Variants in RASA2 observed in about 807,000 individuals in gnomAD.
RASA2 encodes RAS p21 protein activator 2.
Under a neutral mutation model 118.2 loss-of-function variants are expected in RASA2, and 155 were observed. The observed-to-expected ratio is 1.31, with a 90% CI of 1.15 to 1.50. The LOEUF (loss-of-function observed/expected upper bound fraction) is 1.50, where lower values mean the gene tolerates loss of function less well. RASA2 is among the 40% of genes most tolerant of loss of function. The pLI is 0.00. For synonymous variants in RASA2, 353 were observed against 349.1 expected, an observed-to-expected ratio of 1.01 and a Z score of -0.12; for missense variants, 1,016 against 1,009.6, an observed-to-expected ratio of 1.01 and a Z score of -0.09.
intron 22 of RASA2, 96 bp from the exon 23 acceptor site, chr3:141,609,781 C>A: frequency 1.7e-6 from 2 of 1,157,056 alleles, no homozygotes; most frequent in Non-Finnish European, 2.4e-6. Context: ...GAAATCCCCT[C>A]AGCATAAGAC....
chr3:141,525,535 G>A (rs2082173094), intron 3 of RASA2, among the ~76,000 whole-genome samples: 1 of 152,088 alleles, frequency 6.6e-6, no homozygotes, highest in Non-Finnish European at 1.5e-5. Context: ...ACTGGCCACA[G>A]TGGCTCATGT....
chr3:141,588,410 AGAGTACCT>A (rs2083239286), intron 19 of RASA2, among the ~76,000 whole-genome samples: 1 of 152,236 alleles, frequency 6.6e-6, no homozygotes, highest in Non-Finnish European at 1.5e-5. Flanking sequence ...CAGGCTTAAC[AGAGTACCT>A]GAGCAACCAC....
At chr3:141,549,273 T>C (rs1442277721) in intron 5 of RASA2, among the ~76,000 whole-genome samples, 1 of 152,190 alleles carries the variant, frequency 6.6e-6, no homozygotes, top group Non-Finnish European at 1.5e-5. Context: ...TTCTTTTTCT[T>C]GTTTTGTCAG....
At chr3:141,558,021 T>G (rs1253053592) in intron 7 of RASA2, among the ~76,000 whole-genome samples, 2 of 152,154 alleles carry the variant, frequency 1.3e-5, no homozygotes, top group Non-Finnish European at 2.9e-5. Context: ...AAGGTTTGTT[T>G]ATATAAACAG....
At chr3:141,590,082 A>G (rs779202947) in intron 19 of RASA2, 17 of 454,406 alleles carry the variant, frequency 3.7e-5, no homozygotes, top group South Asian at 2.5e-4. Flanking sequence ...AACTATTTTG[A>G]TGGATTTTTC....
intron 19 of RASA2, among the ~76,000 whole-genome samples, chr3:141,606,562 G>A (rs989984753): frequency 3.3e-5 from 5 of 152,042 alleles, no homozygotes; most frequent in African/African-American, 4.8e-5. Context: ...TTAGAACAGT[G>A]CCTGATATAT....
intron 19 of RASA2, among the ~76,000 whole-genome samples, chr3:141,599,539 C>T: frequency 6.6e-6 from 1 of 152,154 alleles, no homozygotes; most frequent in East Asian, 1.9e-4. Context: ...ATGTTGTATT[C>T]TGGCAGCAAC....
chr3:141,607,536 A>G, intron 19 of RASA2, 142 bp from the exon 20 acceptor site: 4 of 767,540 alleles, frequency 5.2e-6, no homozygotes, highest in Non-Finnish European at 7.3e-6. Context: ...ATATTTATAT[A>G]TATGCCATTT....
chr3:141,615,047 C>T lies in RASA2; in HGVS notation c.*2734C>T, dbSNP rs144598572. 1.1e-4 allele frequency: 16 copies of T among 152,258 alleles called. No homozygotes were observed. Among genetic ancestry groups the T allele is most frequent in the African/African-American group, 3.6e-4 (15 of 41,554 alleles). The allele number at this position is 152,258 out of a possible 1,614,324, so 9.4% of individuals were successfully genotyped here. Reference sequence around the variant, plus strand: ...CTGCATAGCCTTTTAGGTGTTTTTACAGTATGTGAAAAATACAAGACTCAT... The same window carrying T: ...CTGCATAGCCTTTTAGGTGTTTTTATAGTATGTGAAAAATACAAGACTCAT... On this transcript the variant is annotated 3_prime_UTR_variant, in exon 24 of 24. Transcript: ENST00000286364.
chr3:141,586,290 C>T (rs1018465512), intron 18 of RASA2, among the ~76,000 whole-genome samples, 192 bp downstream of exon 18: 11 of 152,082 alleles, frequency 7.2e-5, no homozygotes, highest in African/African-American at 1.7e-4. Flanking sequence ...CCTGTGCATA[C>T]AGTCCTAGAG....
At chr3:141,565,536 A>G (rs564417811) in intron 9 of RASA2, among the ~76,000 whole-genome samples, 71 of 152,236 alleles carry the variant, frequency 4.7e-4, no homozygotes, top group African/African-American at 1.6e-3. Context: ...AAATCCCCAT[A>G]CTGTTCTTGT....
At chr3:141,586,852 C>G in intron 19 of RASA2, 100 bp downstream of exon 19, 1 of 963,286 alleles carries the variant, frequency 1.0e-6, no homozygotes. Flanking sequence ...AGTAATATTA[C>G]TGTAGTTTAT....
chr3:141,610,764 A>G (rs537792542), intron 23 of RASA2, among the ~76,000 whole-genome samples: 1 of 152,104 alleles, frequency 6.6e-6, no homozygotes, highest in South Asian at 2.1e-4. Context: ...TGCTGAGGTT[A>G]CAGATATGAG....
intron 3 of RASA2, among the ~76,000 whole-genome samples, chr3:141,516,664 T>A (rs1238682394): frequency 6.6e-6 from 1 of 152,216 alleles, no homozygotes; most frequent in African/African-American, 2.4e-5. Flanking sequence ...TATGTTTTTA[T>A]AATTCCTGAT....
chr3:141,535,307 T>C (rs1045512233), intron 4 of RASA2, among the ~76,000 whole-genome samples: 1 of 152,216 alleles, frequency 6.6e-6, no homozygotes, highest in African/African-American at 2.4e-5. Context: ...ATATTTGCTT[T>C]ATTGAAGTGG....
intron 3 of RASA2, among the ~76,000 whole-genome samples, chr3:141,528,010 C>CA (rs1267662535): frequency 2.0e-5 from 3 of 151,820 alleles, no homozygotes; most frequent in East Asian, 3.9e-4. Flanking sequence ...CCAAAGTATT[C>CA]AAAAGAAAGT....
chr3:141,609,778 C>T, intron 22 of RASA2, 99 bp from the exon 23 acceptor site: 4 of 1,152,414 alleles, frequency 3.5e-6, no homozygotes. Context: ...AGGGAAATCC[C>T]CTCAGCATAA....
Position 141,496,265 on chromosome 3 carries a change from C to T in RASA2, c.133+9049C>T, listed in dbSNP as rs190583317. On this transcript the variant is annotated intron_variant, in intron 1 of 23. Transcript: ENST00000286364. ...TTCAGGACATAGGCATGGGCAAGGA[C>T]TTCATGTCCAAAACACCAAAAGCAA... Among the ~76,000 whole-genome samples, 536 of 152,290 alleles carry T rather than the reference C, an allele frequency of 3.5e-3. 1 individual carries two copies. Among genetic ancestry groups the T allele is most frequent in the Non-Finnish European group, 5.5e-3 (377 of 68,016 alleles).
chr3:141,595,865 G>C (rs1311520589), intron 19 of RASA2, among the ~76,000 whole-genome samples: 1 of 152,094 alleles, frequency 6.6e-6, no homozygotes, highest in African/African-American at 2.4e-5. Flanking sequence ...CTGGACCCAA[G>C]TGATCCTCCT....
Sources: allele counts gnomAD v4.1 joint callset (sites outside exome capture counted in the v4.1 genomes callset), GRCh38; gene constraint gnomAD v4.1.1; transcripts MANE v1.5; gene names NCBI Gene and HGNC (gene_info 2026-07-23, HGNC 2026-07-21).